Variants in CACNA1C observed in about 807,000 individuals in gnomAD.
CACNA1C encodes the protein voltage-dependent L-type calcium channel subunit alpha-1C.
In CACNA1C, 30 loss-of-function variants were observed where a neutral mutation model predicts 229.0. The observed-to-expected ratio is 0.13, with a 90% CI of 0.10 to 0.18. The LOEUF is 0.18. Ranked by LOEUF, CACNA1C falls within the 10% of genes least tolerant of loss-of-function variation. CACNA1C has a pLI of 1.00. For missense variants in CACNA1C, 1,658 were observed against 2,845.0 expected, an observed-to-expected ratio of 0.58 and a Z score of 9.49; for synonymous variants, 1,114 against 1,132.5, an observed-to-expected ratio of 0.98 and a Z score of 0.33.
chr12:2,491,460 GGAGGAAATGACAGAGGAGGAA>G (rs2099732164), intron 6 of CACNA1C, among the ~76,000 whole-genome samples: 1 of 151,442 alleles, frequency 6.6e-6, no homozygotes, highest in Admixed American at 6.6e-5. Context: ...AGGAGGAGGA[GGAGGAAATGACAGAGGAGGAA>G]GAGGAAATGA....
chr12:2,004,450 A>T (rs753799062), intron 1 of CACNA1C: 2 of 1,598,108 alleles, frequency 1.3e-6, no homozygotes, highest in Non-Finnish European at 1.7e-6. Context: ...CCTCCCAGAC[A>T]TAGGCACGGG....
chr12:2,346,474 C>G lies in CACNA1C; in HGVS notation c.478-102502C>G, dbSNP rs1390393214. Among the ~76,000 whole-genome samples, 2 of 152,118 alleles carry G rather than the reference C, an allele frequency of 1.3e-5. No individual in the cohort carries two copies. Among genetic ancestry groups the G allele is most frequent in the Non-Finnish European group, 2.9e-5 (2 of 68,028 alleles). On this transcript the variant is annotated intron_variant, in intron 3 of 46. Transcript: ENST00000399655. The surrounding 1 kb of genome is among the most constrained non-coding windows in gnomAD (Gnocchi z 4.4). ...GTCCTAGAGGAAATGTTTTTGCTGT[C>G]CAGGGCTTTGGGACAATGGGCTTGC...
At chr12:2,150,643 C>A (rs2095158477) in intron 3 of CACNA1C, among the ~76,000 whole-genome samples, 1 of 152,136 alleles carries the variant, frequency 6.6e-6, no homozygotes, top group Admixed American at 6.5e-5. Context: ...ATGAAAGGGG[C>A]ATTTGGCGAA....
At chr12:2,335,126 A>G (rs2154517227) in intron 3 of CACNA1C, among the ~76,000 whole-genome samples, 1 of 152,118 alleles carries the variant, frequency 6.6e-6, no homozygotes, top group Admixed American at 6.5e-5. Context: ...ACATAGTGCC[A>G]TTTTACCTTG....
At chr12:2,042,335 T>C (rs2050258460) in intron 1 of CACNA1C, among the ~76,000 whole-genome samples, 2 of 152,202 alleles carry the variant, frequency 1.3e-5, no homozygotes, top group South Asian at 4.1e-4. Flanking sequence ...AAAAATTTTA[T>C]AAACATAAGG....
At chr12:2,670,740 T>G (rs1447318546) in intron 38 of CACNA1C, among the ~76,000 whole-genome samples, 1 of 151,670 alleles carries the variant, frequency 6.6e-6, no homozygotes, top group Non-Finnish European at 1.5e-5. Flanking sequence ...GTGCCTGTAA[T>G]CCCAGCTACT....
chr12:2,380,010 G>A (rs570482283), intron 3 of CACNA1C, among the ~76,000 whole-genome samples: 58 of 106,532 alleles, frequency 5.4e-4, no homozygotes, highest in African/African-American at 2.0e-3. Context: ...CAGCCTGGGC[G>A]ACAGAGCGAG....
chr12:2,453,190 C>G (rs913782273), intron 4 of CACNA1C, among the ~76,000 whole-genome samples: 2 of 152,180 alleles, frequency 1.3e-5, no homozygotes, highest in Non-Finnish European at 2.9e-5. Context: ...CGCAGCCAGT[C>G]TGTGCCTGGG....
intron 1 of CACNA1C, among the ~76,000 whole-genome samples, chr12:1,985,048 AAAT>A (rs1180254272): frequency 6.6e-6 from 1 of 151,978 alleles, no homozygotes; most frequent in Non-Finnish European, 1.5e-5. Context: ...AAAAAAAAAA[AAAT>A]CTTTGTTTTT....
At position 2,610,682 on chromosome 12, in the gene CACNA1C, A is replaced by T. The variant is rs752224738; in HGVS notation, c.3700A>T (p.Ile1234Phe). The T allele has an allele frequency of 2.5e-6, 4 of 1,614,018 alleles. No homozygotes were observed. In the South Asian group the frequency reaches 4.4e-5, roughly 18 times the overall value. ...LMFVLILLNT[I>F]CLAMQHYGQS... ...GTTCGTCCTCATCCTGCTCAACACC[A>T]TCTGCCTGGCCATGCAGGTCAGTCC... The change falls in exon 28 of 47, where the codon ATC becomes TTC. Residue 1234 changes from isoleucine (I) to phenylalanine (F), a missense_variant. Around this residue, in one of 20 missense-constraint regions of CACNA1C, gnomAD observed 67 missense variants for 106.4 expected, o/e 0.63. Transcript: ENST00000399655.
intron 3 of CACNA1C, among the ~76,000 whole-genome samples, chr12:2,154,563 G>C (rs2095457212): frequency 1.3e-5 from 2 of 152,176 alleles, no homozygotes; most frequent in Admixed American, 1.3e-4. Context: ...TCTCAACCTG[G>C]AGTCCTGTGT....
chr12:2,449,162 G>A (rs913717979), intron 4 of CACNA1C, 47 bp downstream of exon 4: 15 of 1,416,856 alleles, frequency 1.1e-5, no homozygotes, highest in African/African-American at 1.5e-5. Context: ...CCAGTGTTGC[G>A]GGACTTTTCC....
chr12:2,042,513 C>T (rs563049344), intron 1 of CACNA1C, among the ~76,000 whole-genome samples: 32 of 152,146 alleles, frequency 2.1e-4, no homozygotes, highest in Non-Finnish European at 4.1e-4. Flanking sequence ...TTGTCCGATT[C>T]AAGAGGCTTT....
intron 3 of CACNA1C, among the ~76,000 whole-genome samples, chr12:2,296,130 G>A (rs1312301737): frequency 6.6e-6 from 1 of 152,238 alleles, no homozygotes; most frequent in East Asian, 1.9e-4. Flanking sequence ...TGCAAAGGGA[G>A]TGGGGAGCAG....
At chr12:2,203,262 T>C (rs2097652089) in intron 3 of CACNA1C, among the ~76,000 whole-genome samples, 1 of 152,188 alleles carries the variant, frequency 6.6e-6, no homozygotes, top group African/African-American at 2.4e-5. Flanking sequence ...TGTCCTGTCC[T>C]CATGTCCCCA....
intron 8 of CACNA1C, among the ~76,000 whole-genome samples, chr12:2,505,580 A>G (rs1435124733): frequency 6.6e-6 from 1 of 152,120 alleles, no homozygotes; most frequent in Non-Finnish European, 1.5e-5. Context: ...CAGGAGGATC[A>G]CTTGAGCCCA....
At chr12:2,526,261 T>C (rs540524030) in intron 9 of CACNA1C, among the ~76,000 whole-genome samples, 1 of 152,272 alleles carries the variant, frequency 6.6e-6, no homozygotes, top group East Asian at 1.9e-4. Context: ...TAATCATGCA[T>C]CCCCCGAACC....
chr12:2,407,930 C>T (rs2098757239), intron 3 of CACNA1C, among the ~76,000 whole-genome samples: 1 of 152,208 alleles, frequency 6.6e-6, no homozygotes, highest in East Asian at 1.9e-4. Flanking sequence ...TCCAGCCAAA[C>T]ACCACAAGAA....
At chr12:2,652,898 C>A (rs541389637) in intron 32 of CACNA1C, among the ~76,000 whole-genome samples, 7 of 152,330 alleles carry the variant, frequency 4.6e-5, no homozygotes, top group East Asian at 1.9e-4. Context: ...TCCCTGCCCC[C>A]CCGACATCTC....
Sources: allele counts gnomAD v4.1 joint callset (sites outside exome capture counted in the v4.1 genomes callset), GRCh38; gene constraint gnomAD v4.1.1; regional missense constraint gnomAD v4.1.1; non-coding constraint Gnocchi (gnomAD v3.1); transcripts MANE v1.5; gene names NCBI Gene and HGNC (gene_info 2026-07-23, HGNC 2026-07-21).